AGBL4: variants seen among roughly 807,000 people sequenced by gnomAD.
AGBL4 encodes cytosolic carboxypeptidase 6.
In AGBL4, 58 loss-of-function variants were observed where a neutral mutation model predicts 66.4. That is an observed-to-expected ratio of 0.87 (90% CI 0.71 to 1.09). The LOEUF is 1.09. Among genes scored for constraint, AGBL4 ranks in the 50% least tolerant of loss-of-function variants. The pLI, the probability that AGBL4 is intolerant of heterozygous loss-of-function variation, is 0.00. For synonymous variants in AGBL4, 234 were observed against 222.9 expected, an observed-to-expected ratio of 1.05 and a Z score of -0.44; for missense variants, 579 against 631.0, an observed-to-expected ratio of 0.92 and a Z score of 0.88.
intron 2 of AGBL4, among the ~76,000 whole-genome samples, chr1:49,753,376 T>C (rs1651629300): frequency 6.6e-6 from 1 of 152,226 alleles, no homozygotes; most frequent in Non-Finnish European, 1.5e-5. Flanking sequence ...TTCTTTTCTT[T>C]GAGAATGTTG....
intron 5 of AGBL4, among the ~76,000 whole-genome samples, chr1:48,867,581 C>A (rs1648234516): frequency 1.3e-5 from 2 of 152,110 alleles, no homozygotes; most frequent in Admixed American, 1.3e-4. Flanking sequence ...TCTTCTGTAC[C>A]AGATAGCTTT....
Position 49,239,037 on chromosome 1 carries a change from C to A in AGBL4, c.377+6733G>T, listed in dbSNP as rs368400708. Among the ~76,000 whole-genome samples, 52 of 152,260 alleles carry A rather than the reference C, an allele frequency of 3.4e-4. 1 individual carries two copies. The South Asian group carries it at 9.5e-3, about 28-fold the overall frequency. On this transcript the variant is annotated intron_variant, in intron 4 of 13. Coordinates refer to ENST00000371839, the MANE Select transcript of AGBL4 (RefSeq NM_032785.4). Reference sequence around the variant, plus strand: ...GAAATAGAGGGAAGTATGTCTACTCCATCATGTCCCGGAACCAGACTGTAA... The same window carrying A: ...GAAATAGAGGGAAGTATGTCTACTCAATCATGTCCCGGAACCAGACTGTAA...
chr1:48,812,874 A>G (rs574789119), intron 6 of AGBL4, among the ~76,000 whole-genome samples: 1 of 150,746 alleles, frequency 6.6e-6, no homozygotes, highest in Non-Finnish European at 1.5e-5. Flanking sequence ...AAAACCAAAC[A>G]CTGCATGTTC....
chr1:49,625,675 G>A (rs1420867156), intron 3 of AGBL4, among the ~76,000 whole-genome samples: 2 of 152,254 alleles, frequency 1.3e-5, no homozygotes, highest in South Asian at 2.1e-4. Flanking sequence ...GAAGCCAATA[G>A]TTCATTATAA....
intron 3 of AGBL4, among the ~76,000 whole-genome samples, chr1:49,424,314 TC>T (rs1157778469): frequency 1.3e-5 from 2 of 152,178 alleles, no homozygotes; most frequent in Admixed American, 1.3e-4. Flanking sequence ...CCTGGATTTT[TC>T]CCCTCCTCCG....
intron 6 of AGBL4, among the ~76,000 whole-genome samples, chr1:48,755,567 CAT>C (rs1242948443): frequency 6.6e-6 from 1 of 152,214 alleles, no homozygotes; most frequent in African/African-American, 2.4e-5. Context: ...TAACCCAGGA[CAT>C]GTTTCTCAGA....
At chr1:49,585,340 C>A (rs917780100) in intron 3 of AGBL4, among the ~76,000 whole-genome samples, 1 of 152,060 alleles carries the variant, frequency 6.6e-6, no homozygotes, top group African/African-American at 2.4e-5. Flanking sequence ...AGGAAATCTG[C>A]CCTAGAGAGC....
chr1:48,990,476 G>A (rs1660519588), intron 5 of AGBL4, among the ~76,000 whole-genome samples: 1 of 152,112 alleles, frequency 6.6e-6, no homozygotes, highest in African/African-American at 2.4e-5. Context: ...CAATGTCCTG[G>A]AGAGGTTCCC....
In AGBL4 at chr1:48,705,635, C is replaced by A. The variant is rs78884031; in HGVS notation, c.635-42394G>T. On this transcript the variant is annotated intron_variant, in intron 6 of 13. Coordinates refer to ENST00000371839, the MANE Select transcript of AGBL4 (RefSeq NM_032785.4). ...AAATGAGATTTAAATCCAGTCTGAT[C>A]TCAGAGCACAACTTCTTAAACATTA... 8.2e-3 allele frequency among the ~76,000 whole-genome samples: 1,247 copies of A among 152,328 alleles called. 19 individuals are homozygous for A. Among genetic ancestry groups the A allele is most frequent in the African/African-American group, 0.029 (1,198 of 41,576 alleles).
intron 3 of AGBL4, among the ~76,000 whole-genome samples, chr1:49,415,161 C>T (rs1005723861): frequency 1.5e-4 from 23 of 152,002 alleles, no homozygotes; most frequent in African/African-American, 2.9e-4. Context: ...CCCTCTGCTC[C>T]GATACATGTT....
chr1:49,168,549 G>T (rs949390776), intron 4 of AGBL4, among the ~76,000 whole-genome samples: 2 of 152,158 alleles, frequency 1.3e-5, no homozygotes, highest in African/African-American at 4.8e-5. Context: ...CCTTTATGGT[G>T]GGGGTCATGT....
rs1425966866 is a variant in AGBL4, at chr1:49,875,515, T to C, written c.35-23997A>G. On this transcript the variant is annotated intron_variant, in intron 1 of 13. Transcript: ENST00000371839. ...CATTTTTTATGGCTGCATAGTATTC[T>C]ATGGTGTATATGTGCCACATTTTCT... Among the ~76,000 whole-genome samples, 193 of 146,352 alleles carry C rather than the reference T, an allele frequency of 1.3e-3. 1 individual carries two copies. Among genetic ancestry groups the C allele is most frequent in the East Asian group, 8.1e-3 (40 of 4,928 alleles).
At chr1:49,561,288 T>TTTA (rs1311590101) in intron 3 of AGBL4, among the ~76,000 whole-genome samples, 1 of 151,620 alleles carries the variant, frequency 6.6e-6, no homozygotes, top group Non-Finnish European at 1.5e-5. Flanking sequence ...ATTTTTATTT[T>TTTA]TTATTATTAT....
chr1:49,621,756 C>T (rs1571193007), intron 3 of AGBL4, among the ~76,000 whole-genome samples: 1 of 152,154 alleles, frequency 6.6e-6, no homozygotes, highest in Admixed American at 6.5e-5. Context: ...ATTTGCCTTT[C>T]CTACATGTCA....
intron 4 of AGBL4, among the ~76,000 whole-genome samples, chr1:49,152,923 A>C (rs1646365565): frequency 6.6e-6 from 1 of 152,142 alleles, no homozygotes; most frequent in South Asian, 2.1e-4. Flanking sequence ...TTATCTTCCG[A>C]GATCATACTG....
At position 49,694,240 on chromosome 1, in the gene AGBL4, G is replaced by T. The variant is rs986435553; in HGVS notation, c.282+3073C>A. Reference sequence around the variant, plus strand: ...TCATTTTAACGGAAATTTGAGAGATGAAAAAAAGATTATAGAAAGAGATGC... The same window carrying T: ...TCATTTTAACGGAAATTTGAGAGATTAAAAAAAGATTATAGAAAGAGATGC... On this transcript the variant is annotated intron_variant, in intron 3 of 13. Coordinates refer to ENST00000371839, the MANE Select transcript of AGBL4 (RefSeq NM_032785.4). Among the ~76,000 whole-genome samples, 2 of 151,752 alleles carry T rather than the reference G, an allele frequency of 1.3e-5. 1 individual carries two copies. Among genetic ancestry groups the T allele is most frequent in the Non-Finnish European group, 2.9e-5 (2 of 67,884 alleles).
At chr1:49,129,247 G>A (rs1280838945) in intron 4 of AGBL4, among the ~76,000 whole-genome samples, 2 of 151,962 alleles carry the variant, frequency 1.3e-5, no homozygotes, top group African/African-American at 2.4e-5. Context: ...TTTATACACT[G>A]CTGGTAAGAA....
intron 1 of AGBL4, among the ~76,000 whole-genome samples, chr1:49,909,225 TA>T (rs1383472501): frequency 6.6e-6 from 1 of 152,176 alleles, no homozygotes; most frequent in Non-Finnish European, 1.5e-5. Context: ...TGGCATATGG[TA>T]AGAGTTATGT....
At chr1:48,825,909 TA>T (rs1169463050) in intron 6 of AGBL4, among the ~76,000 whole-genome samples, 1 of 152,128 alleles carries the variant, frequency 6.6e-6, no homozygotes, top group Non-Finnish European at 1.5e-5. Context: ...CTGGAAGATT[TA>T]GGGGGGAAGA....
Sources: allele counts gnomAD v4.1 joint callset (sites outside exome capture counted in the v4.1 genomes callset), GRCh38; gene constraint gnomAD v4.1.1; transcripts MANE v1.5; gene names NCBI Gene and HGNC (gene_info 2026-07-23, HGNC 2026-07-21).